Variants in PXDNL observed in about 807,000 individuals in gnomAD.
The protein encoded by PXDNL is probable oxidoreductase PXDNL.
In PXDNL, 145 loss-of-function variants were observed where a neutral mutation model predicts 150.8. The observed-to-expected ratio is 0.96, with a 90% confidence interval of 0.84 to 1.10. The LOEUF (loss-of-function observed/expected upper bound fraction) is 1.10, where lower values mean the gene tolerates loss of function less well. PXDNL is among the 50% of genes least tolerant of loss of function. PXDNL has a pLI of 0.00. For missense variants in PXDNL, 2,087 were observed against 1,873.9 expected (o/e 1.11, Z -2.10); for synonymous variants, 757 against 725.7 (o/e 1.04, Z -0.69).
chr8:51,450,841 C>T (rs572047938), intron 10 of PXDNL, among the ~76,000 whole-genome samples: 8 of 152,188 alleles, frequency 5.3e-5, no homozygotes, highest in South Asian at 4.2e-4. Context: ...GAATTTCTCT[C>T]GGTCAGAACT....
At chr8:51,805,732 C>T (rs1178706338) in intron 1 of PXDNL, among the ~76,000 whole-genome samples, 11 of 152,190 alleles carry the variant, frequency 7.2e-5, no homozygotes, top group South Asian at 4.1e-4. Flanking sequence ...GGAAAATCCT[C>T]GATCATTAAA....
rs190610645 is a variant in PXDNL at position 51,600,318 on chromosome 8, A to C, written c.237-7620T>G. Among the ~76,000 whole-genome samples the C allele has an allele frequency of 6.2e-4, 55 of 88,296 alleles. 3 individuals are homozygous for C. Among genetic ancestry groups the C allele is most frequent in the Admixed American group, 7.3e-4 (5 of 6,894 alleles). The allele number at this position is 88,296 out of a possible 152,430, so 57.9% of individuals were successfully genotyped here. ...ATATAAATTATATGGTTTAGATAAT[A>C]AATTATATCTTATATAAATTATATC... is the stretch of plus-strand genomic sequence containing the variant. On this transcript the variant is annotated intron_variant, in intron 2 of 22. Transcript: ENST00000356297.
At chr8:51,575,677 T>C (rs1339461845) in intron 3 of PXDNL, among the ~76,000 whole-genome samples, 4 of 152,050 alleles carry the variant, frequency 2.6e-5, no homozygotes, top group Non-Finnish European at 5.9e-5. Flanking sequence ...ATCACACCAT[T>C]GCACTCCAGT....
chr8:51,593,505 C>T (rs961736960), intron 2 of PXDNL, among the ~76,000 whole-genome samples: 2 of 152,100 alleles, frequency 1.3e-5, no homozygotes, highest in Admixed American at 6.6e-5. Context: ...AATCTACTGC[C>T]GAAGTCCAAT....
At chr8:51,429,556 T>C (rs951466425) in intron 12 of PXDNL, among the ~76,000 whole-genome samples, 1 of 151,922 alleles carries the variant, frequency 6.6e-6, no homozygotes, top group African/African-American at 2.4e-5. Flanking sequence ...GGCGACAGAG[T>C]GAGACTCCAT....
chr8:51,742,439 A>T (rs28655742), intron 1 of PXDNL, among the ~76,000 whole-genome samples: 192 of 152,172 alleles, frequency 1.3e-3, no homozygotes, highest in African/African-American at 4.4e-3. Flanking sequence ...TGTCAGTGTT[A>T]ATTTCCTCAC....
chr8:51,664,714 T>C (rs992858370), intron 1 of PXDNL, among the ~76,000 whole-genome samples: 2 of 152,068 alleles, frequency 1.3e-5, no homozygotes, highest in African/African-American at 4.8e-5. Flanking sequence ...TTCTTGACCA[T>C]TTATATAGTG....
Position 51,374,894 on chromosome 8 carries a change from G to A in PXDNL, c.3558-163C>T, listed in dbSNP as rs924894525. Among the ~76,000 whole-genome samples, 4 of 152,102 alleles carry A rather than the reference G, an allele frequency of 2.6e-5. No individual in the cohort carries two copies. In the South Asian group the frequency reaches 6.2e-4, roughly 24 times the overall value. On this transcript the variant is annotated intron_variant, in intron 17 of 22. Transcript: ENST00000356297. ...CATGGGGGAAAGCACTCAAATGAAG[G>A]AACCCTCAGGGATCACCCCATAGGC...
chr8:51,506,503 T>G (rs1811293952), intron 4 of PXDNL, among the ~76,000 whole-genome samples: 1 of 116,618 alleles, frequency 8.6e-6, no homozygotes. Context: ...ATCGCACCAC[T>G]GCACTCCAGC....
At chr8:51,540,171 T>C (rs1178874758) in intron 4 of PXDNL, among the ~76,000 whole-genome samples, 1 of 152,192 alleles carries the variant, frequency 6.6e-6, no homozygotes, top group Non-Finnish European at 1.5e-5. Flanking sequence ...GTGCTGGGGT[T>C]ACTGGTGTGA....
intron 17 of PXDNL, among the ~76,000 whole-genome samples, chr8:51,396,862 A>G (rs1200867583): frequency 6.6e-6 from 1 of 152,208 alleles, no homozygotes; most frequent in Non-Finnish European, 1.5e-5. Flanking sequence ...TGTTGGAAGC[A>G]ATTTTCAAGC....
intron 1 of PXDNL, among the ~76,000 whole-genome samples, chr8:51,670,941 G>A (rs1030382070): frequency 5.3e-5 from 8 of 152,146 alleles, no homozygotes; most frequent in African/African-American, 1.4e-4. Flanking sequence ...CATGCATAAA[G>A]AAGAATGCCA....
intron 19 of PXDNL, among the ~76,000 whole-genome samples, chr8:51,364,213 A>G (rs547679415): frequency 6.6e-6 from 1 of 152,350 alleles, no homozygotes; most frequent in African/African-American, 2.4e-5. Context: ...CTGACTGAGC[A>G]CAATCTAGAA....
intron 1 of PXDNL, among the ~76,000 whole-genome samples, chr8:51,733,844 A>C (rs1289361980): frequency 6.8e-6 from 1 of 146,982 alleles, no homozygotes; most frequent in Non-Finnish European, 1.5e-5. Context: ...ATTTATATAT[A>C]TATGATATAT....
intron 21 of PXDNL, among the ~76,000 whole-genome samples, chr8:51,329,855 C>A (rs1337223480): frequency 2.0e-5 from 3 of 152,062 alleles, no homozygotes; most frequent in African/African-American, 7.2e-5. Flanking sequence ...GAATTGGATC[C>A]ATGTTTATGG....
At chr8:51,372,380 T>A (rs74989361) in intron 18 of PXDNL, among the ~76,000 whole-genome samples, 3,371 of 152,322 alleles carry the variant, frequency 0.022, 52 homozygotes, top group Non-Finnish European at 0.032. Context: ...AAATTTTTTT[T>A]AATTTTTAAT....
At chr8:51,413,392 C>G in intron 14 of PXDNL, 134 bp from the exon 15 acceptor site, 1 of 606,042 alleles carries the variant, frequency 1.7e-6, no homozygotes, top group Non-Finnish European at 2.9e-6. Context: ...AAATGTTATA[C>G]AATATCTACA....
chr8:51,796,005 G>C (rs747625849), intron 1 of PXDNL, among the ~76,000 whole-genome samples: 4 of 152,088 alleles, frequency 2.6e-5, no homozygotes, highest in Non-Finnish European at 5.9e-5. Context: ...ACATTCCTTT[G>C]TACTCACTTT....
intron 1 of PXDNL, among the ~76,000 whole-genome samples, chr8:51,725,099 C>T (rs940174324): frequency 6.6e-6 from 1 of 152,094 alleles, no homozygotes; most frequent in Non-Finnish European, 1.5e-5. Flanking sequence ...TTACTAATTT[C>T]TGGGTATTTG....
Sources: allele counts gnomAD v4.1 joint callset (sites outside exome capture counted in the v4.1 genomes callset), GRCh38; gene constraint gnomAD v4.1.1; transcripts MANE v1.5; gene names NCBI Gene and HGNC (gene_info 2026-07-23, HGNC 2026-07-21).